Variants in GCN1 observed in about 807,000 individuals in gnomAD.
GCN1 encodes GCN1 activator of EIF2AK4.
A neutral mutation model predicts 288.4 loss-of-function variants in GCN1; 90 were observed. That is an observed-to-expected ratio of 0.31 (90% CI 0.26 to 0.37). The LOEUF (loss-of-function observed/expected upper bound fraction) is 0.37, where lower values mean the gene tolerates loss of function less well. Ranked by LOEUF, GCN1 falls within the 10% of genes least tolerant of loss-of-function variation. GCN1 has a pLI of 1.00. For synonymous variants in GCN1, 1,386 were observed against 1,420.2 expected, an observed-to-expected ratio of 0.98 and a Z score of 0.54; for missense variants, 2,586 against 3,419.9, an observed-to-expected ratio of 0.76 and a Z score of 6.08.
intron 33 of GCN1, among the ~76,000 whole-genome samples, chr12:120,152,690 A>T (rs1158541239): frequency 1.4e-5 from 2 of 144,474 alleles, no homozygotes; most frequent in African/African-American, 5.1e-5. Flanking sequence ...ATATATATTT[A>T]TATATACATA....
intron 31 of GCN1, 62 bp downstream of exon 31, chr12:120,154,908 C>T (rs997240582): frequency 1.4e-6 from 2 of 1,465,330 alleles, no homozygotes; most frequent in South Asian, 1.1e-5. Context: ...ACAGCACCCA[C>T]CCAGCCAACC....
In GCN1 at chr12:120,191,079, C is replaced by T. The variant is rs183381844; in HGVS notation, c.19-679G>A. On this transcript the variant is annotated intron_variant, in intron 1 of 57. Transcript: ENST00000300648. ...CTGTTATGGAGCTTAAATGAGATTG[C>T]GTATAAGGTGCATCTACTCTCATCC... Among the ~76,000 whole-genome samples the T allele has an allele frequency of 2.6e-3, 395 of 152,260 alleles. 1 individual carries two copies. Among genetic ancestry groups the T allele is most frequent in the Middle Eastern group, 0.01 (3 of 294 alleles).
At chr12:120,152,569 G>A (rs1877598134) in intron 33 of GCN1, among the ~76,000 whole-genome samples, 1 of 123,052 alleles carries the variant, frequency 8.1e-6, no homozygotes. Flanking sequence ...GAGCCACCAC[G>A]CCCAGCCCAA....
At chr12:120,184,750 G>A in intron 3 of GCN1, 74 bp downstream of exon 3, 1 of 1,094,608 alleles carries the variant, frequency 9.1e-7, no homozygotes, top group Admixed American at 1.7e-5. Context: ...GCTCTAATCT[G>A]GGCTCTAACC....
intron 20 of GCN1, 66 bp downstream of exon 20, chr12:120,162,781 C>T: frequency 6.4e-7 from 1 of 1,559,716 alleles, no homozygotes; most frequent in Non-Finnish European, 8.8e-7. Flanking sequence ...ATCCTCTCTT[C>T]CTGTACACTG....
chr12:120,157,151 G>T (rs1046081956), intron 26 of GCN1, 159 bp from the exon 27 acceptor site: 7 of 554,136 alleles, frequency 1.3e-5, no homozygotes, highest in Admixed American at 3.3e-5. Flanking sequence ...AGGTCCACAG[G>T]TGCTAACCCC....
chr12:120,161,675 A>G, intron 21 of GCN1, 92 bp from the exon 22 acceptor site: 1 of 1,011,124 alleles, frequency 9.9e-7, no homozygotes. Context: ...CTAGCTGTTA[A>G]GCACTGTGCA....
Position 120,137,455 on chromosome 12 carries a change from G to T in GCN1, c.6663+90C>A. On this transcript the variant is annotated intron_variant, in intron 49 of 57. Transcript: ENST00000300648. This position sits in a 1 kb window ranked among gnomAD's most constrained non-coding sequence, Gnocchi z 5.2. ...GGTAAACGCCGAAGCTGAGTGACAGGTACGTGGGGGATTCTTATAAGTCTA... is the reference window on the plus strand; with the variant it reads ...GGTAAACGCCGAAGCTGAGTGACAGTTACGTGGGGGATTCTTATAAGTCTA... 6.8e-7 allele frequency: 1 copy of T among 1,460,272 alleles called. No homozygotes were observed. Among genetic ancestry groups the T allele is most frequent in the Non-Finnish European group, 9.5e-7 (1 of 1,047,976 alleles). 90.5% of individuals were successfully genotyped at this position (1,460,272 alleles called of 1,614,324 possible). A position where few individuals can be genotyped will look rare whatever the true frequency, so the allele number is the denominator to read the frequency against.
chr12:120,149,339 T>C (rs1035860883), intron 36 of GCN1, among the ~76,000 whole-genome samples: 3 of 151,888 alleles, frequency 2.0e-5, no homozygotes, highest in Non-Finnish European at 2.9e-5. Flanking sequence ...CTGGGCAACA[T>C]AGCGAGACTC....
At chr12:120,166,703 C>CAA (rs542271508) in intron 16 of GCN1, among the ~76,000 whole-genome samples, 7 of 68,186 alleles carry the variant, frequency 1.0e-4, no homozygotes, top group Non-Finnish European at 9.1e-5. Flanking sequence ...GACTCTGTCT[C>CAA]AAAAAAAAAA....
rs780415247 is a variant in GCN1, at chr12:120,156,417, G to A, written c.3312+44C>T. Reference sequence around the variant, plus strand: ...CCATCATGCAATTTGCACTTGCATAGAGTGACAAGGGACACTGCAGTGGCT... The same window carrying A: ...CCATCATGCAATTTGCACTTGCATAAAGTGACAAGGGACACTGCAGTGGCT... On this transcript the variant is annotated intron_variant, in intron 28 of 57. Coordinates refer to ENST00000300648, the MANE Select transcript of GCN1 (RefSeq NM_006836.2). This position sits in a 1 kb window ranked among gnomAD's most constrained non-coding sequence, Gnocchi z 5.8. 3.1e-6 allele frequency: 5 copies of A among 1,592,354 alleles called. No homozygotes were observed. The highest frequency in any genetic ancestry group is 4.3e-6 in the Non-Finnish European group (5 of 1,163,812).
In GCN1 at chr12:120,158,459, C is replaced by T; in HGVS notation, c.2905+1G>A. The T allele has an allele frequency of 6.5e-7, 1 of 1,548,200 alleles. No individual in the cohort carries two copies. The highest frequency in any genetic ancestry group is 8.7e-7 in the Non-Finnish European group (1 of 1,145,364). On this transcript the variant is annotated splice_donor_variant, in intron 25 of 57. Transcript: ENST00000300648. LOFTEE classifies it high-confidence loss of function. This position sits in a 1 kb window ranked among gnomAD's most constrained non-coding sequence, Gnocchi z 4.3. ...GCCCCTGATCCCGTCCCAGCCCTTA[C>T]CTGGCTCCCCCTTGCCCACCCTGCT...
intron 38 of GCN1, 57 bp downstream of exon 38, chr12:120,146,995 A>C (rs1258744871): frequency 9.4e-7 from 1 of 1,058,436 alleles, no homozygotes; most frequent in Non-Finnish European, 1.3e-6. Flanking sequence ...TGCACCTCTG[A>C]CTCTGCACTC....
At position 120,155,508 on chromosome 12, in the gene GCN1, C is replaced by T; in HGVS notation, c.3441-78G>A. ...CCTGCCAGCCCAGCCCTTCTTCCCACTGGAGGCTGAGCACACTGGGTTCAG... is the reference window on the plus strand; with the variant it reads ...CCTGCCAGCCCAGCCCTTCTTCCCATTGGAGGCTGAGCACACTGGGTTCAG... On this transcript the variant is annotated intron_variant, in intron 29 of 57. Transcript: ENST00000300648. This position sits in a 1 kb window ranked among gnomAD's most constrained non-coding sequence, Gnocchi z 4.9. 6.2e-7 allele frequency: 1 copy of T among 1,600,512 alleles called. No homozygotes were observed. The highest frequency in any genetic ancestry group is 8.6e-7 in the Non-Finnish European group (1 of 1,168,568).
intron 16 of GCN1, among the ~76,000 whole-genome samples, chr12:120,167,062 G>A (rs1221007036): frequency 2.6e-5 from 4 of 151,530 alleles, no homozygotes; most frequent in South Asian, 2.1e-4. Context: ...AAAAGAGGCC[G>A]GGCATGGTGG....
Position 120,175,881 on chromosome 12 carries a change from A to G in GCN1, c.914-7T>C, listed in dbSNP as rs1225184411. On this transcript the variant is annotated splice_region_variant and splice_polypyrimidine_tract_variant and intron_variant, in intron 10 of 57. Transcript: ENST00000300648. ...CTGTTGGATTTCAGGTGACCTGCAC[A>G]CACAAAGCCACTGCTCAGAAGCAGC... The G allele has an allele frequency of 6.3e-7, 1 of 1,599,718 alleles. No individual in the cohort carries two copies. The highest frequency in any genetic ancestry group is 2.2e-5 in the East Asian group (1 of 44,790).
chr12:120,129,258 G>A lies in GCN1; in HGVS notation c.7890+18C>T, dbSNP rs1477617566. ...AAATGCTCACAGCACATCCTGGTGAGGCCCCCCAGGCTCCCACCTGAAACA... is the reference window on the plus strand; with the variant it reads ...AAATGCTCACAGCACATCCTGGTGAAGCCCCCCAGGCTCCCACCTGAAACA... On this transcript the variant is annotated intron_variant, in intron 57 of 57. Transcript: ENST00000300648. 2.5e-6 allele frequency: 4 copies of A among 1,575,200 alleles called. No individual in the cohort carries two copies. Among genetic ancestry groups the A allele is most frequent in the Non-Finnish European group, 3.5e-6 (4 of 1,145,500 alleles).
chr12:120,153,863 T>G lies in GCN1; in HGVS notation c.3748A>C (p.Ser1250Arg). ...TGAAAGAGTGGCTTCACCTGAGAGCTGTCCAAATACTGGGAGAGCTTGTTG... is the reference window on the plus strand; with the variant it reads ...TGAAAGAGTGGCTTCACCTGAGAGCGGTCCAAATACTGGGAGAGCTTGTTG... ...ALNKLSQYLD[S>R]SQVKPLFQFF... is the part of the protein sequence containing the mutation. The change falls in exon 32 of 58, where the codon AGC becomes CGC. Residue 1250 changes from serine (S) to arginine (R), a missense_variant. Transcript: ENST00000300648. The surrounding 1 kb of genome is among the most constrained non-coding windows in gnomAD (Gnocchi z 4.4). The G allele has an allele frequency of 6.2e-7, 1 of 1,614,096 alleles. No homozygotes were observed. Among genetic ancestry groups the G allele is most frequent in the Non-Finnish European group, 8.5e-7 (1 of 1,179,954 alleles).
intron 2 of GCN1, among the ~76,000 whole-genome samples, chr12:120,185,674 C>T (rs1190115168): frequency 2.0e-5 from 3 of 152,162 alleles, no homozygotes; most frequent in Non-Finnish European, 4.4e-5. Context: ...GATCTCGGCT[C>T]ACCGCAACCT....
Sources: allele counts gnomAD v4.1 joint callset (sites outside exome capture counted in the v4.1 genomes callset), GRCh38; gene constraint gnomAD v4.1.1; non-coding constraint Gnocchi (gnomAD v3.1); transcripts MANE v1.5; gene names NCBI Gene and HGNC (gene_info 2026-07-23, HGNC 2026-07-21).